Variants in PRELID2 observed in about 807,000 individuals in gnomAD.
PRELID2 encodes the protein PRELI domain containing 2.
A neutral mutation model predicts 28.4 loss-of-function variants in PRELID2; 25 were observed. That is an observed-to-expected ratio of 0.88 (90% CI 0.64 to 1.23). The LOEUF is 1.23. Ranked by LOEUF, PRELID2 falls within the 50% of genes most tolerant of loss-of-function variation. PRELID2 has a pLI of 0.00. For synonymous variants in PRELID2, 76 were observed against 71.6 expected, an observed-to-expected ratio of 1.06 and a Z score of -0.31; for missense variants, 201 against 214.4, an observed-to-expected ratio of 0.94 and a Z score of 0.39.
At chr5:145,286,301 A>G in the PRELID2 span, among the ~76,000 whole-genome samples, 1 of 152,164 alleles carries the variant, frequency 6.6e-6, no homozygotes, top group Non-Finnish European at 1.5e-5. Context: ...CACACTACTT[A>G]CCACTATGCT....
chr5:145,729,633 C>T (rs1332671339), intron 1 of PRELID2, among the ~76,000 whole-genome samples: 1 of 152,238 alleles, frequency 6.6e-6, no homozygotes, highest in Admixed American at 6.5e-5. Context: ...AGCTTTCCCA[C>T]TGAGCTTCTT....
the PRELID2 span, among the ~76,000 whole-genome samples, chr5:145,240,214 T>C: frequency 6.6e-6 from 1 of 151,844 alleles, no homozygotes; most frequent in African/African-American, 2.4e-5. Flanking sequence ...ATTTTCTTTT[T>C]AATTTTCACT....
the PRELID2 span, among the ~76,000 whole-genome samples, chr5:145,429,141 AG>A: frequency 1.3e-5 from 2 of 152,216 alleles, no homozygotes; most frequent in Admixed American, 6.5e-5. Flanking sequence ...TTAAGAGCAG[AG>A]GTCAGAGCAG....
At chr5:145,239,521 G>T in the PRELID2 span, among the ~76,000 whole-genome samples, 1 of 152,026 alleles carries the variant, frequency 6.6e-6, no homozygotes, top group Non-Finnish European at 1.5e-5. Flanking sequence ...CTCCTGAAGT[G>T]ATGGTAAATG....
At chr5:145,724,183 C>A (rs1284927442) in intron 1 of PRELID2, among the ~76,000 whole-genome samples, 1 of 151,972 alleles carries the variant, frequency 6.6e-6, no homozygotes, top group African/African-American at 2.4e-5. Flanking sequence ...ACCAAGTGAC[C>A]TAGGTTAACA....
chr5:145,788,697 A>G lies in PRELID2; in HGVS notation c.474+7745T>C, dbSNP rs560810018. 1.6e-4 allele frequency among the ~76,000 whole-genome samples: 24 copies of G among 152,298 alleles called. No homozygotes were observed. In the Middle Eastern group the frequency reaches 0.01, roughly 65 times the overall value. ...CAAGAGAAAGAAATAAAAGGCACCC[A>G]TGTAGAAAAGAAAGAAGTAAAATCA... On this transcript the variant is annotated intron_variant, in intron 5 of 6. Transcript: ENST00000683046.
the PRELID2 span, among the ~76,000 whole-genome samples, chr5:145,280,052 C>T: frequency 6.6e-6 from 1 of 152,082 alleles, no homozygotes; most frequent in Non-Finnish European, 1.5e-5. Flanking sequence ...GGGCCTCAAA[C>T]TTTCAAGCCA....
At chr5:145,301,930 C>T in the PRELID2 span, among the ~76,000 whole-genome samples, 622 of 109,700 alleles carry the variant, frequency 5.7e-3, no homozygotes, top group Middle Eastern at 0.019. Flanking sequence ...TTATTCATTT[C>T]TTTTTTTTTT....
chr5:145,306,609 G>A, the PRELID2 span, among the ~76,000 whole-genome samples: 23 of 151,762 alleles, frequency 1.5e-4, no homozygotes, highest in Non-Finnish European at 2.9e-5. Context: ...CTGGATTCTT[G>A]TACAGTTGAG....
intron 1 of PRELID2, among the ~76,000 whole-genome samples, chr5:145,602,539 A>T (rs578084692): frequency 4.0e-4 from 61 of 152,298 alleles, no homozygotes; most frequent in African/African-American, 1.4e-3. Flanking sequence ...TGGAAGTAGC[A>T]GATGCAGACC....
chr5:145,682,362 A>G (rs1025474116), intron 1 of PRELID2, among the ~76,000 whole-genome samples: 1 of 152,184 alleles, frequency 6.6e-6, no homozygotes, highest in African/African-American at 2.4e-5. Context: ...ATAATACGAC[A>G]TTGGCTGAAC....
intron 1 of PRELID2, among the ~76,000 whole-genome samples, chr5:145,576,591 T>C (rs1422651): frequency 0.07 from 10,607 of 151,576 alleles, 560 homozygotes; most frequent in Admixed American, 0.18. Flanking sequence ...AACATCAACT[T>C]GAACAATATC....
chr5:145,326,683 C>A, the PRELID2 span, among the ~76,000 whole-genome samples: 1 of 151,888 alleles, frequency 6.6e-6, no homozygotes, highest in Non-Finnish European at 1.5e-5. Context: ...GGGAAAGAAT[C>A]AGCTTTTAAC....
At chr5:145,645,338 C>CTTTTTTTTTTTTTT (rs35732947) in intron 1 of PRELID2, among the ~76,000 whole-genome samples, 1 of 47,860 alleles carries the variant, frequency 2.1e-5, no homozygotes, top group African/African-American at 1.2e-4. Context: ...GCAACTCCTG[C>CTTTTTTTTTTTTTT]TTTTTTTTTT....
At chr5:145,358,268 G>T in the PRELID2 span, among the ~76,000 whole-genome samples, 4 of 152,170 alleles carry the variant, frequency 2.6e-5, no homozygotes, top group Non-Finnish European at 4.4e-5. Context: ...TGAGAGGGAG[G>T]AGGTGGATGG....
rs755014868 is a variant in PRELID2 at position 145,796,479 on chromosome 5, G to A, written c.437C>T (p.Thr146Ile). 3.1e-6 allele frequency: 5 copies of A among 1,610,404 alleles called. No homozygotes were observed. Among genetic ancestry groups the A allele is most frequent in the Non-Finnish European group, 4.2e-6 (5 of 1,177,850 alleles). Reference sequence around the variant, plus strand: ...CTGTCGTAAGAATGTGCTGGCAAAAGTTTCTAAAACACAGTTGAGAAATCC... The same window carrying A: ...CTGTCGTAAGAATGTGCTGGCAAAAATTTCTAAAACACAGTTGAGAAATCC... ...GVGFLNCVLE[T>I]FASTFLRQGA... Residue 146 changes from threonine (T) to isoleucine (I), a missense_variant, in exon 5 of 7, where the codon ACT becomes ATT. Transcript: ENST00000683046.
In PRELID2 at chr5:145,645,266, G is replaced by T. The variant is rs950905042; in HGVS notation, n.70+119665C>A. On this transcript the variant is annotated intron_variant and non_coding_transcript_variant, in intron 1 of 2. Transcript: ENST00000510259. Reference sequence around the variant, plus strand: ...TGCATTGATCCCTTTACCATTATGTGATGCCTTCTTTGTCTCTTGATCTTT... The same window carrying T: ...TGCATTGATCCCTTTACCATTATGTTATGCCTTCTTTGTCTCTTGATCTTT... Among the ~76,000 whole-genome samples, 5 of 147,326 alleles carry T rather than the reference G, an allele frequency of 3.4e-5. No homozygotes were observed. In the South Asian group the frequency reaches 1.1e-3, roughly 32 times the overall value.
chr5:145,655,812 A>G (rs150726885), intron 1 of PRELID2, among the ~76,000 whole-genome samples: 12,168 of 152,236 alleles, frequency 0.08, 671 homozygotes, highest in Admixed American at 0.19. Flanking sequence ...AGAAAACCTA[A>G]GCAATACCAT....
chr5:145,580,285 T>C lies in PRELID2; in HGVS notation n.71-106970A>G, dbSNP rs1753096584. On this transcript the variant is annotated intron_variant and non_coding_transcript_variant, in intron 1 of 2. Transcript: ENST00000510259. Reference sequence around the variant, plus strand: ...TAAAATGTTGTCAGAAGGAGAGTTATATGGTAAACAGAAGCCACCCCCTAA... The same window carrying C: ...TAAAATGTTGTCAGAAGGAGAGTTACATGGTAAACAGAAGCCACCCCCTAA... 3.9e-5 allele frequency among the ~76,000 whole-genome samples: 6 copies of C among 152,030 alleles called. 1 individual carries two copies. In the South Asian group the frequency reaches 1.2e-3, roughly 31 times the overall value.
Sources: allele counts gnomAD v4.1 joint callset (sites outside exome capture counted in the v4.1 genomes callset), GRCh38; gene constraint gnomAD v4.1.1; transcripts MANE v1.5; gene names NCBI Gene and HGNC (gene_info 2026-07-23, HGNC 2026-07-21).